Variants in CTNNA2 observed in about 807,000 individuals in gnomAD.
CTNNA2 encodes catenin alpha-2.
Under a neutral mutation model 101.0 loss-of-function variants are expected in CTNNA2, and 42 were observed. The observed-to-expected ratio is 0.42, with a 90% CI of 0.32 to 0.54. The LOEUF (loss-of-function observed/expected upper bound fraction) is 0.54, where lower values mean the gene tolerates loss of function less well. Ranked by LOEUF, CTNNA2 falls within the 20% of genes least tolerant of loss-of-function variation. CTNNA2 has a pLI of 0.14. For synonymous variants in CTNNA2, 450 were observed against 456.4 expected (o/e 0.99, Z 0.18); for missense variants, 871 against 1,223.1 (o/e 0.71, Z 4.29).
chr2:79,704,554 C>T (rs1484132875), intron 2 of CTNNA2, among the ~76,000 whole-genome samples: 1 of 150,098 alleles, frequency 6.7e-6, no homozygotes, highest in South Asian at 2.1e-4. Context: ...GCTCTGTTCC[C>T]CAGGCTGGAG....
At position 79,489,509 on chromosome 2, in the gene CTNNA2, T is replaced by C. The variant is rs563878641; in HGVS notation, c.-134-15545T>C. Reference sequence around the variant, plus strand: ...GATCTAGGCTTGTACCCTCAGATAATGTAGGGCTTTCTGGTAAGCAGGGCT... The same window carrying C: ...GATCTAGGCTTGTACCCTCAGATAACGTAGGGCTTTCTGGTAAGCAGGGCT... On this transcript the variant is annotated intron_variant, in intron 4 of 21. Coordinates refer to the CTNNA2 transcript ENST00000466387. 5.4e-4 allele frequency among the ~76,000 whole-genome samples: 83 copies of C among 152,296 alleles called. 2 individuals are homozygous for C. The South Asian group carries it at 0.013, about 24-fold the overall frequency.
At chr2:80,559,891 T>TATATATACACACACACACAC (rs1553387588) in intron 12 of CTNNA2, among the ~76,000 whole-genome samples, 7 of 146,818 alleles carry the variant, frequency 4.8e-5, no homozygotes, top group African/African-American at 1.6e-4. Context: ...TATATATATA[T>TATATATACACACACACACAC]ACACACACAT....
intron 7 of CTNNA2, among the ~76,000 whole-genome samples, chr2:80,050,206 A>T (rs531554196): frequency 6.6e-6 from 1 of 152,140 alleles, no homozygotes; most frequent in Admixed American, 6.5e-5. Flanking sequence ...TCACATTTTT[A>T]AAACCTAGTT....
chr2:79,241,976 G>A (rs1033595565), intron 2 of CTNNA2, among the ~76,000 whole-genome samples: 7 of 151,678 alleles, frequency 4.6e-5, no homozygotes, highest in South Asian at 4.2e-4. Context: ...CGCGATCTCC[G>A]CTCACTGCAA....
intron 3 of CTNNA2, among the ~76,000 whole-genome samples, chr2:79,838,182 A>T (rs1679537151): frequency 6.6e-6 from 1 of 152,196 alleles, no homozygotes; most frequent in Non-Finnish European, 1.5e-5. Context: ...CATTGAGCTC[A>T]GTTTAGTCTT....
At chr2:79,350,379 T>C (rs1011623627) in intron 3 of CTNNA2, among the ~76,000 whole-genome samples, 1 of 152,164 alleles carries the variant, frequency 6.6e-6, no homozygotes, top group Non-Finnish European at 1.5e-5. Context: ...ACTGAAAACA[T>C]GTGGAATTTG....
At chr2:79,526,968 A>T (rs1338390107) in intron 1 of CTNNA2, among the ~76,000 whole-genome samples, 1 of 152,124 alleles carries the variant, frequency 6.6e-6, no homozygotes, top group East Asian at 1.9e-4. Flanking sequence ...TAGATATGAC[A>T]CCCAAAGCTC....
intron 7 of CTNNA2, among the ~76,000 whole-genome samples, chr2:79,991,244 A>T (rs920783210): frequency 2.0e-5 from 3 of 152,126 alleles, no homozygotes; most frequent in Admixed American, 2.0e-4. Flanking sequence ...TTCATTGAAG[A>T]TGGAGACTAG....
chr2:80,117,136 G>C (rs1402807639), intron 7 of CTNNA2, among the ~76,000 whole-genome samples: 2 of 152,092 alleles, frequency 1.3e-5, no homozygotes, highest in African/African-American at 4.8e-5. Context: ...TTCCTAATCT[G>C]TAAGAGTCTG....
chr2:80,092,434 A>G (rs1263227546), intron 7 of CTNNA2, among the ~76,000 whole-genome samples: 1 of 152,018 alleles, frequency 6.6e-6, no homozygotes, highest in African/African-American at 2.4e-5. Flanking sequence ...AAGCTTTCCC[A>G]TGTTCTCAAG....
intron 7 of CTNNA2, among the ~76,000 whole-genome samples, chr2:79,960,573 C>T (rs541271321): frequency 4.6e-5 from 7 of 152,308 alleles, no homozygotes; most frequent in African/African-American, 1.7e-4. Flanking sequence ...TGAGCAACCA[C>T]TGAAGAATGC....
At chr2:79,313,827 TG>T (rs1239268327) in intron 3 of CTNNA2, among the ~76,000 whole-genome samples, 1 of 151,978 alleles carries the variant, frequency 6.6e-6, no homozygotes, top group Non-Finnish European at 1.5e-5. Context: ...TGTGTGTGTT[TG>T]GGGGTAAGAG....
intron 7 of CTNNA2, among the ~76,000 whole-genome samples, chr2:79,955,679 T>G (rs1485964071): frequency 6.8e-6 from 1 of 147,964 alleles, no homozygotes; most frequent in African/African-American, 2.4e-5. Context: ...GCCCAGCTAA[T>G]TTTTTTTTGA....
intron 4 of CTNNA2, among the ~76,000 whole-genome samples, chr2:79,415,091 A>G (rs547445936): frequency 6.6e-6 from 1 of 152,258 alleles, no homozygotes; most frequent in African/African-American, 2.4e-5. Context: ...TTGAAAAGTG[A>G]TCCTCAGTGT....
At chr2:79,600,886 A>G (rs557011515) in intron 1 of CTNNA2, among the ~76,000 whole-genome samples, 1 of 152,156 alleles carries the variant, frequency 6.6e-6, no homozygotes, top group East Asian at 2.0e-4. Flanking sequence ...GCTGTTTCTT[A>G]TAAGGGTGCT....
chr2:79,308,414 C>G (rs1213764652), intron 2 of CTNNA2, among the ~76,000 whole-genome samples: 1 of 152,118 alleles, frequency 6.6e-6, no homozygotes, highest in Non-Finnish European at 1.5e-5. Context: ...CTTGTATATT[C>G]TGGATATTAA....
intron 3 of CTNNA2, among the ~76,000 whole-genome samples, chr2:79,334,873 A>G (rs1004030897): frequency 6.6e-6 from 1 of 152,134 alleles, no homozygotes; most frequent in Non-Finnish European, 1.5e-5. Flanking sequence ...TGGTGACAAC[A>G]TCCTTGTTGG....
In CTNNA2 at chr2:79,373,606, C is replaced by T. The variant is rs1677921134; in HGVS notation, c.-317-225C>T. On this transcript the variant is annotated intron_variant, in intron 3 of 21. Coordinates refer to the CTNNA2 transcript ENST00000466387. ...AAAGCAGGCTCTGCCCTAAATGAGC[C>T]CACAGCCTGGATGGAGGGAGAGGAG... Among the ~76,000 whole-genome samples, 5 of 152,008 alleles carry T rather than the reference C, an allele frequency of 3.3e-5. No homozygotes were observed. The South Asian group carries it at 1.0e-3, about 32-fold the overall frequency.
intron 13 of CTNNA2, among the ~76,000 whole-genome samples, chr2:80,577,581 G>A (rs1410106148): frequency 6.6e-6 from 1 of 152,136 alleles, no homozygotes; most frequent in Non-Finnish European, 1.5e-5. Flanking sequence ...AGAACAGAAT[G>A]TATGGGGCAA....
Sources: gnomAD v4.1 joint callset for allele counts (sites outside exome capture counted in the v4.1 genomes callset) on GRCh38, gnomAD v4.1.1 for gene constraint, MANE v1.5 for transcripts, NCBI Gene and HGNC (gene_info 2026-07-23, HGNC 2026-07-21) for gene names.